The following AGBL4 variants were observed in gnomAD, a reference collection of about 807,000 sequenced individuals.
The protein encoded by AGBL4 is AGBL carboxypeptidase 4.
Under a neutral mutation model 66.4 loss-of-function variants are expected in AGBL4, and 58 were observed. That is an observed-to-expected ratio of 0.87 (90% CI 0.71 to 1.09). The LOEUF is 1.09. Ranked by LOEUF, AGBL4 falls within the 50% of genes least tolerant of loss-of-function variation. AGBL4 has a pLI of 0.00. For missense variants in AGBL4, 579 were observed against 631.0 expected, an observed-to-expected ratio of 0.92 and a Z score of 0.88; for synonymous variants, 234 against 222.9, an observed-to-expected ratio of 1.05 and a Z score of -0.44.
intron 6 of AGBL4, among the ~76,000 whole-genome samples, chr1:48,726,773 C>T (rs1367262417): frequency 2.0e-5 from 3 of 152,216 alleles, no homozygotes; most frequent in Non-Finnish European, 4.4e-5. Context: ...TTCTAACCAA[C>T]AATAACAGCC....
chr1:48,649,714 G>A (rs112892283), intron 8 of AGBL4, among the ~76,000 whole-genome samples: 24 of 152,276 alleles, frequency 1.6e-4, no homozygotes, highest in African/African-American at 5.8e-4. Context: ...CTTAGCTGAT[G>A]AAATCTGGGA....
intron 1 of AGBL4, among the ~76,000 whole-genome samples, chr1:49,984,700 G>T (rs1231436469): frequency 1.3e-5 from 2 of 152,068 alleles, no homozygotes; most frequent in Non-Finnish European, 2.9e-5. Context: ...AATTTATAAA[G>T]ACTTTGTGAT....
At position 49,938,302 on chromosome 1, in the gene AGBL4, G is replaced by T. The variant is rs549390719; in HGVS notation, c.34+85461C>A. Among the ~76,000 whole-genome samples the T allele has an allele frequency of 6.6e-5, 10 of 152,226 alleles. No homozygotes were observed. The South Asian group carries it at 2.1e-3, about 32-fold the overall frequency. ...CCTCCCAAGACTAAACCAGGAAGAA[G>T]TTGAATCCCTGAATAGACCAATAAC... On this transcript the variant is annotated intron_variant, in intron 1 of 13. Transcript: ENST00000371839.
At chr1:48,797,899 T>C (rs929845754) in intron 6 of AGBL4, among the ~76,000 whole-genome samples, 1 of 152,214 alleles carries the variant, frequency 6.6e-6, no homozygotes, top group Non-Finnish European at 1.5e-5. Context: ...TTTAGGCTGG[T>C]TCCATATTTT....
At chr1:48,999,691 GTGCCA>G (rs1214435195) in intron 5 of AGBL4, among the ~76,000 whole-genome samples, 1 of 152,040 alleles carries the variant, frequency 6.6e-6, no homozygotes, top group Non-Finnish European at 1.5e-5. Context: ...TTGGGTGGGA[GTGCCA>G]CTCCCACCCA....
At chr1:49,337,331 G>C (rs559069647) in intron 3 of AGBL4, among the ~76,000 whole-genome samples, 5 of 152,260 alleles carry the variant, frequency 3.3e-5, no homozygotes, top group South Asian at 4.1e-4. Context: ...TTAGATTCTG[G>C]CTGTCAAATA....
intron 3 of AGBL4, among the ~76,000 whole-genome samples, chr1:49,605,446 G>A (rs1441155275): frequency 6.6e-6 from 1 of 152,092 alleles, no homozygotes; most frequent in African/African-American, 2.4e-5. Context: ...GTGGGGAGAG[G>A]AGGAGAAAAG....
intron 5 of AGBL4, among the ~76,000 whole-genome samples, chr1:48,886,396 C>T (rs983512009): frequency 6.6e-6 from 1 of 152,130 alleles, no homozygotes; most frequent in Non-Finnish European, 1.5e-5. Flanking sequence ...CACTTCCTGA[C>T]CCAGAGCTGA....
chr1:49,468,450 C>T (rs1008262007), intron 3 of AGBL4, among the ~76,000 whole-genome samples: 2 of 151,616 alleles, frequency 1.3e-5, no homozygotes, highest in Non-Finnish European at 2.9e-5. Context: ...ATCAAAGTCC[C>T]CCAAAATACA....
intron 4 of AGBL4, among the ~76,000 whole-genome samples, chr1:49,149,636 T>C (rs1646287556): frequency 6.6e-6 from 1 of 152,234 alleles, no homozygotes; most frequent in Admixed American, 6.5e-5. Context: ...TTTTTCTGTA[T>C]ACTTAAGATG....
chr1:49,878,030 T>A (rs1647076552), intron 1 of AGBL4, among the ~76,000 whole-genome samples: 1 of 152,034 alleles, frequency 6.6e-6, no homozygotes, highest in Non-Finnish European at 1.5e-5. Flanking sequence ...TTTTATTGTG[T>A]CTCTTTGATT....
chr1:48,747,478 C>T (rs1650955031), intron 6 of AGBL4, among the ~76,000 whole-genome samples: 1 of 152,150 alleles, frequency 6.6e-6, no homozygotes, highest in Non-Finnish European at 1.5e-5. Flanking sequence ...CACTGGGGAC[C>T]CAGAGACAAA....
chr1:48,790,072 A>G (rs1645510747), intron 6 of AGBL4, among the ~76,000 whole-genome samples: 1 of 152,228 alleles, frequency 6.6e-6, no homozygotes, highest in African/African-American at 2.4e-5. Context: ...AAGTGAAATC[A>G]CTATGCTTAC....
At chr1:49,385,335 C>A (rs1484880255) in intron 3 of AGBL4, among the ~76,000 whole-genome samples, 1 of 151,542 alleles carries the variant, frequency 6.6e-6, no homozygotes, top group Non-Finnish European at 1.5e-5. Flanking sequence ...GACAAAAGTG[C>A]AGATTTACTG....
chr1:49,521,300 A>G (rs576797493), intron 3 of AGBL4, among the ~76,000 whole-genome samples: 1 of 152,250 alleles, frequency 6.6e-6, no homozygotes, highest in African/African-American at 2.4e-5. Context: ...CCTGACTAGT[A>G]AAAGCAATCC....
At chr1:48,654,785 C>G (rs868145920) in intron 7 of AGBL4, among the ~76,000 whole-genome samples, 1 of 152,226 alleles carries the variant, frequency 6.6e-6, no homozygotes. Flanking sequence ...TAGGCCAGGG[C>G]TGAGAATCCA....
At chr1:48,761,658 C>A (rs1004299867) in intron 6 of AGBL4, among the ~76,000 whole-genome samples, 8 of 152,150 alleles carry the variant, frequency 5.3e-5, no homozygotes, top group Non-Finnish European at 1.0e-4. Flanking sequence ...GATCTAGGAA[C>A]AAGGGTGTTT....
intron 4 of AGBL4, among the ~76,000 whole-genome samples, chr1:49,108,525 G>C (rs1172068382): frequency 6.6e-6 from 1 of 152,108 alleles, no homozygotes; most frequent in Non-Finnish European, 1.5e-5. Flanking sequence ...GAGTCTCCAA[G>C]CCATCATAGA....
intron 4 of AGBL4, among the ~76,000 whole-genome samples, chr1:49,191,924 T>C (rs1051208270): frequency 2.0e-5 from 3 of 152,198 alleles, no homozygotes; most frequent in Non-Finnish European, 4.4e-5. Flanking sequence ...AGTGAACATA[T>C]GCATGCACAT....
Sources: allele counts gnomAD v4.1 joint callset (sites outside exome capture counted in the v4.1 genomes callset), GRCh38; gene constraint gnomAD v4.1.1; transcripts MANE v1.5; gene names NCBI Gene and HGNC (gene_info 2026-07-23, HGNC 2026-07-21).